The following SHANK2 variants were observed in gnomAD, a reference collection of about 807,000 sequenced individuals.
SHANK2 encodes the protein SH3 and multiple ankyrin repeat domains protein 2.
In SHANK2, 43 loss-of-function variants were observed where a neutral mutation model predicts 133.7. The observed-to-expected ratio is 0.32, with a 90% CI of 0.25 to 0.41. SHANK2 has a LOEUF of 0.41. SHANK2 is among the 10% of genes least tolerant of loss of function. The pLI, the probability that SHANK2 is intolerant of heterozygous loss-of-function variation, is 1.00. For synonymous variants in SHANK2, 1,017 were observed against 952.8 expected (o/e 1.07, Z -1.24); for missense variants, 1,994 against 2,235.8 (o/e 0.89, Z 2.18).
intron 14 of SHANK2, among the ~76,000 whole-genome samples, chr11:70,723,396 T>C (rs1275758206): frequency 1.3e-5 from 2 of 151,662 alleles, no homozygotes; most frequent in African/African-American, 4.9e-5. Flanking sequence ...AGGTGGCCTC[T>C]GGTTGCTGAG....
intron 17 of SHANK2, among the ~76,000 whole-genome samples, chr11:70,517,058 G>A (rs948409881): frequency 2.0e-5 from 3 of 152,058 alleles, no homozygotes; most frequent in African/African-American, 4.8e-5. Context: ...GGGCAACAGA[G>A]TGAAAAAAAG....
chr11:70,734,842 C>T (rs1257747986), intron 14 of SHANK2, among the ~76,000 whole-genome samples: 1 of 152,228 alleles, frequency 6.6e-6, no homozygotes, highest in East Asian at 1.9e-4. Context: ...TGGGGACGGC[C>T]CTCCTGCCAC....
At chr11:71,074,551 T>C (rs1220611117) in intron 9 of SHANK2, among the ~76,000 whole-genome samples, 1 of 152,172 alleles carries the variant, frequency 6.6e-6, no homozygotes, top group Non-Finnish European at 1.5e-5. Flanking sequence ...TTAATTAACT[T>C]AGGGGCTTTT....
At chr11:70,899,502 C>T (rs1949993774) in intron 10 of SHANK2, among the ~76,000 whole-genome samples, 1 of 152,186 alleles carries the variant, frequency 6.6e-6, no homozygotes, top group Admixed American at 6.5e-5. Context: ...GGGAAGCCTC[C>T]TGAGTGGCGG....
At chr11:70,941,536 C>T (rs947630069) in intron 10 of SHANK2, among the ~76,000 whole-genome samples, 1 of 152,174 alleles carries the variant, frequency 6.6e-6, no homozygotes, top group African/African-American at 2.4e-5. Context: ...GCTCTAATCC[C>T]CAAGGGGATG....
At chr11:71,235,593 C>CT (rs1555123612) in intron 1 of SHANK2, among the ~76,000 whole-genome samples, 1 of 89,610 alleles carries the variant, frequency 1.1e-5, no homozygotes, top group Non-Finnish European at 1.9e-5. Context: ...AACTCTCTCT[C>CT]GGGGAAAAAA....
chr11:71,129,401 T>C (rs186600001), intron 3 of SHANK2, among the ~76,000 whole-genome samples: 93 of 152,270 alleles, frequency 6.1e-4, no homozygotes, highest in Middle Eastern at 3.4e-3. Context: ...TACACCCCTC[T>C]TAGTACAGTT....
chr11:71,073,147 C>CTTTCTTTTTTTTTTTTTTTTTT (rs1951166746), intron 9 of SHANK2, among the ~76,000 whole-genome samples: 1 of 62,716 alleles, frequency 1.6e-5, no homozygotes, highest in Non-Finnish European at 3.9e-5. Flanking sequence ...TTTTTCTTTT[C>CTTTCTTTTTTTTTTTTTTTTTT]TTTTTTTTCT....
intron 17 of SHANK2, among the ~76,000 whole-genome samples, chr11:70,600,044 G>T (rs1377479073): frequency 2.6e-5 from 4 of 152,124 alleles, no homozygotes; most frequent in Admixed American, 2.6e-4. Flanking sequence ...GGTCTATTCT[G>T]GGTCAATGCA....
At chr11:70,746,142 ACG>A (rs2134851019) in intron 14 of SHANK2, among the ~76,000 whole-genome samples, 1 of 152,322 alleles carries the variant, frequency 6.6e-6, no homozygotes, top group South Asian at 2.1e-4. Context: ...TGACTCTGAC[ACG>A]GTCCAGGAGG....
At chr11:71,160,624 A>C (rs1952994115) in intron 2 of SHANK2, among the ~76,000 whole-genome samples, 1 of 152,232 alleles carries the variant, frequency 6.6e-6, no homozygotes, top group African/African-American at 2.4e-5. Context: ...GCCTCCAGAA[A>C]GGTGAGAAAA....
chr11:70,566,116 A>C (rs1488057786), intron 17 of SHANK2, among the ~76,000 whole-genome samples: 3 of 152,098 alleles, frequency 2.0e-5, no homozygotes, highest in Non-Finnish European at 4.4e-5. Flanking sequence ...AAATCATCAG[A>C]TCTCATGAGA....
intron 17 of SHANK2, among the ~76,000 whole-genome samples, chr11:70,599,193 A>G (rs1034868492): frequency 2.6e-5 from 4 of 152,228 alleles, no homozygotes; most frequent in Non-Finnish European, 5.9e-5. Context: ...TTTCAGCAAG[A>G]ATCAGCAAAT....
chr11:71,175,050 CG>C lies in SHANK2; in HGVS notation c.-12-27713del, dbSNP rs1401885736. On this transcript the variant is annotated intron_variant, in intron 2 of 25. Coordinates refer to ENST00000601538, the MANE Select transcript of SHANK2 (RefSeq NM_012309.5). The surrounding 1 kb of genome is among the most constrained non-coding windows in gnomAD (Gnocchi z 4.2). ...GTCATGCTCTCAGATAAGCCTTCCCCGGTTACCTTTCTGCAGCTACAAAACA... is the reference window on the plus strand; with the variant it reads ...GTCATGCTCTCAGATAAGCCTTCCCCGTTACCTTTCTGCAGCTACAAAACA... 2.0e-5 allele frequency among the ~76,000 whole-genome samples: 3 copies of C among 146,522 alleles called. No homozygotes were observed. The highest frequency in any genetic ancestry group is 3.0e-5 in the Non-Finnish European group (2 of 66,628).
intron 2 of SHANK2, among the ~76,000 whole-genome samples, chr11:71,204,853 C>G (rs1361766778): frequency 6.6e-6 from 1 of 152,262 alleles, no homozygotes; most frequent in African/African-American, 2.4e-5. Flanking sequence ...AATGGCCCAT[C>G]CACAGGATGC....
chr11:71,071,061 T>C (rs1951135536), intron 9 of SHANK2, among the ~76,000 whole-genome samples: 1 of 152,164 alleles, frequency 6.6e-6, no homozygotes, highest in Non-Finnish European at 1.5e-5. Flanking sequence ...TTGTCCACAA[T>C]TATTTCAAGT....
chr11:70,558,840 G>A (rs193047733), intron 17 of SHANK2, among the ~76,000 whole-genome samples: 43 of 152,294 alleles, frequency 2.8e-4, no homozygotes, highest in African/African-American at 9.1e-4. Context: ...CCTGGAGGAC[G>A]TGAAAGAAAA....
At chr11:70,928,667 C>T (rs1054732039) in intron 10 of SHANK2, among the ~76,000 whole-genome samples, 1 of 151,966 alleles carries the variant, frequency 6.6e-6, no homozygotes, top group East Asian at 1.9e-4. Flanking sequence ...GAAGAACCAG[C>T]CCCTCCAATG....
chr11:71,245,000 T>TA (rs1454706502), intron 1 of SHANK2, among the ~76,000 whole-genome samples: 1 of 150,882 alleles, frequency 6.6e-6, no homozygotes, highest in Non-Finnish European at 1.5e-5. Flanking sequence ...CACTGCACTA[T>TA]TTTTTTTCCT....
Sources: gnomAD v4.1 joint callset for allele counts (sites outside exome capture counted in the v4.1 genomes callset) on GRCh38, gnomAD v4.1.1 for gene constraint, Gnocchi (gnomAD v3.1) non-coding constraint, MANE v1.5 for transcripts, NCBI Gene and HGNC (gene_info 2026-07-23, HGNC 2026-07-21) for gene names.